Variants in CFAP299 observed in about 807,000 individuals in gnomAD.
CFAP299 encodes cilia- and flagella-associated protein 299.
CFAP299 carries 21 observed loss-of-function variants against 27.0 expected under a neutral mutation model. That is an observed-to-expected ratio of 0.78 (90% CI 0.55 to 1.12). The LOEUF (loss-of-function observed/expected upper bound fraction) is 1.12, where lower values mean the gene tolerates loss of function less well. CFAP299 is among the 50% of genes most tolerant of loss of function. CFAP299 has a pLI of 0.00. For missense variants in CFAP299, 310 were observed against 276.6 expected (o/e 1.12, Z -0.86); for synonymous variants, 104 against 98.1 (o/e 1.06, Z -0.36).
intron 3 of CFAP299, among the ~76,000 whole-genome samples, chr4:80,734,705 C>G (rs905106591): frequency 1.3e-5 from 2 of 152,248 alleles, no homozygotes; most frequent in Non-Finnish European, 2.9e-5. Flanking sequence ...TTTCCCAGCA[C>G]TGATCATTGA....
chr4:80,680,009 C>T (rs778816950), intron 3 of CFAP299, among the ~76,000 whole-genome samples: 2 of 151,904 alleles, frequency 1.3e-5, no homozygotes, highest in South Asian at 2.1e-4. Flanking sequence ...AGTCCTTATC[C>T]GTTCTGTCTT....
intron 3 of CFAP299, among the ~76,000 whole-genome samples, chr4:80,680,011 T>C (rs1442375648): frequency 2.0e-5 from 3 of 152,046 alleles, no homozygotes; most frequent in Non-Finnish European, 2.9e-5. Context: ...TCCTTATCCG[T>C]TCTGTCTTCT....
chr4:80,642,793 T>A (rs917995080), intron 3 of CFAP299, among the ~76,000 whole-genome samples: 5 of 152,028 alleles, frequency 3.3e-5, no homozygotes, highest in Non-Finnish European at 4.4e-5. Flanking sequence ...AAAATTTTTT[T>A]CAGCATATTG....
At chr4:80,504,792 C>T (rs958549177) in intron 2 of CFAP299, among the ~76,000 whole-genome samples, 2 of 145,100 alleles carry the variant, frequency 1.4e-5, no homozygotes, top group African/African-American at 5.1e-5. Flanking sequence ...CTAAGAGGAC[C>T]CAGAGTGAAG....
intron 1 of CFAP299, among the ~76,000 whole-genome samples, chr4:80,351,128 A>C (rs889707112): frequency 6.6e-6 from 1 of 152,172 alleles, no homozygotes; most frequent in African/African-American, 2.4e-5. Context: ...ATTACTAGAA[A>C]TGTTTAATGA....
chr4:80,484,468 C>G (rs113736731), intron 2 of CFAP299, among the ~76,000 whole-genome samples: 1 of 152,080 alleles, frequency 6.6e-6, no homozygotes, highest in African/African-American at 2.4e-5. Context: ...TCTTATCCAT[C>G]CTTTGCTGAG....
At chr4:80,811,798 G>A (rs1257012644) in intron 3 of CFAP299, among the ~76,000 whole-genome samples, 7 of 151,962 alleles carry the variant, frequency 4.6e-5, no homozygotes, top group Non-Finnish European at 8.8e-5. Flanking sequence ...AAGGCCCAGA[G>A]ACATAACTGG....
At chr4:80,832,287 G>T (rs1386208832) in intron 3 of CFAP299, among the ~76,000 whole-genome samples, 1 of 152,092 alleles carries the variant, frequency 6.6e-6, no homozygotes, top group Non-Finnish European at 1.5e-5. Flanking sequence ...TTGATCAGAG[G>T]TATTATAACC....
chr4:80,621,305 A>G (rs888093052), intron 3 of CFAP299, among the ~76,000 whole-genome samples: 1 of 152,144 alleles, frequency 6.6e-6, no homozygotes, highest in African/African-American at 2.4e-5. Flanking sequence ...TTTATGAATG[A>G]TTAAGTATCA....
intron 2 of CFAP299, among the ~76,000 whole-genome samples, chr4:80,384,314 G>A (rs1724858460): frequency 6.6e-6 from 1 of 152,062 alleles, no homozygotes; most frequent in Non-Finnish European, 1.5e-5. Flanking sequence ...TTCTGGTGAG[G>A]ACTATGCTGA....
chr4:80,503,669 G>A (rs1261910775), intron 2 of CFAP299, among the ~76,000 whole-genome samples: 2 of 152,132 alleles, frequency 1.3e-5, no homozygotes, highest in Non-Finnish European at 2.9e-5. Context: ...ATATTAAGCA[G>A]TCAGTTGTAT....
chr4:80,391,982 A>G (rs143246113), intron 2 of CFAP299, among the ~76,000 whole-genome samples: 2 of 152,270 alleles, frequency 1.3e-5, no homozygotes, highest in South Asian at 2.1e-4. Flanking sequence ...ATCATTTTGG[A>G]CCTCGTGACC....
intron 3 of CFAP299, among the ~76,000 whole-genome samples, chr4:80,651,299 C>CTCTT (rs1296832556): frequency 3.3e-5 from 3 of 89,752 alleles, no homozygotes; most frequent in South Asian, 3.3e-4. Flanking sequence ...TACTCTCTCT[C>CTCTT]TCTTTCTTTC....
intron 2 of CFAP299, among the ~76,000 whole-genome samples, chr4:80,520,399 C>T (rs886299305): frequency 6.6e-6 from 1 of 152,160 alleles, no homozygotes; most frequent in Non-Finnish European, 1.5e-5. Flanking sequence ...CCTTCTCTGA[C>T]ACAATAGGGA....
At chr4:80,485,259 A>G (rs952092243) in intron 2 of CFAP299, among the ~76,000 whole-genome samples, 25 of 148,998 alleles carry the variant, frequency 1.7e-4, no homozygotes, top group South Asian at 4.2e-4. Flanking sequence ...ATATAATAAA[A>G]TATATATGAA....
chr4:80,567,983 ATTAT>A (rs1333530674), intron 2 of CFAP299, among the ~76,000 whole-genome samples: 2 of 151,828 alleles, frequency 1.3e-5, no homozygotes, highest in Admixed American at 1.3e-4. Flanking sequence ...TTAAAAAATA[ATTAT>A]TTTCATTTTA....
At chr4:80,516,918 C>T (rs932369379) in intron 2 of CFAP299, among the ~76,000 whole-genome samples, 1 of 152,144 alleles carries the variant, frequency 6.6e-6, no homozygotes, top group African/African-American at 2.4e-5. Flanking sequence ...ATCACTGTAA[C>T]CCTTTAGAAA....
chr4:80,822,352 T>C (rs982998656), intron 3 of CFAP299, among the ~76,000 whole-genome samples: 16 of 152,174 alleles, frequency 1.1e-4, no homozygotes, highest in African/African-American at 3.9e-4. Context: ...ACGTTTGAAA[T>C]ATTTTTATAA....
At chr4:80,804,276 T>TTTCCCAA (rs1431176132) in intron 3 of CFAP299, among the ~76,000 whole-genome samples, 2 of 152,146 alleles carry the variant, frequency 1.3e-5, no homozygotes, top group African/African-American at 4.8e-5. Flanking sequence ...TTAAACAACA[T>TTTCCCAA]TTCCCAATTC....
Sources: gnomAD v4.1 joint callset for allele counts (sites outside exome capture counted in the v4.1 genomes callset) on GRCh38, gnomAD v4.1.1 for gene constraint, MANE v1.5 for transcripts, NCBI Gene and HGNC (gene_info 2026-07-23, HGNC 2026-07-21) for gene names.